SLC5A2: variants seen among roughly 807,000 people sequenced by gnomAD.
SLC5A2 encodes the protein solute carrier family 5 member 2.
SLC5A2 carries 67 observed loss-of-function variants against 69.0 expected under a neutral mutation model. The observed-to-expected ratio is 0.97, with a 90% CI of 0.80 to 1.19. SLC5A2 has a LOEUF of 1.19. Among genes scored for constraint, SLC5A2 ranks in the 50% most tolerant of loss-of-function variants. The pLI is 0.00. For missense variants in SLC5A2, 1,001 were observed against 921.5 expected, an observed-to-expected ratio of 1.09 and a Z score of -1.12; for synonymous variants, 455 against 395.8, an observed-to-expected ratio of 1.15 and a Z score of -1.78.
chr16:31,488,949 G>C lies in SLC5A2; in HGVS notation c.1350G>C (p.Gly450=), dbSNP rs376349857. 3.9e-5 allele frequency: 62 copies of C among 1,603,454 alleles called. No individual in the cohort carries two copies. Among genetic ancestry groups the C allele is most frequent in the East Asian group, 2.9e-4 (13 of 44,864 alleles). Residue 450 remains glycine (G), a synonymous_variant, in exon 11 of 14, where the codon GGG becomes GGC. Transcript: ENST00000330498. The part of the protein sequence containing the change: ...WLPVVQAAQG[G]QLFDYIQAVS... ...CCGTGGTGCAGGCGGCACAGGGCGG[G>C]CAGCTCTTCGATTACATCCAGGCAG...
At chr16:31,483,333 C>A in intron 1 of SLC5A2, 71 bp downstream of exon 1, 2 of 1,586,610 alleles carry the variant, frequency 1.3e-6, no homozygotes, top group South Asian at 1.1e-5. Flanking sequence ...CTCAGGGGGA[C>A]CCTAGGTGGG....
intron 9 of SLC5A2, 40 bp from the exon 10 acceptor site, chr16:31,488,582 C>T: frequency 6.2e-7 from 1 of 1,609,312 alleles, no homozygotes; most frequent in Non-Finnish European, 8.5e-7. Context: ...CGCCCTGGAC[C>T]CCCAGTGGCC....
At position 31,488,899 on chromosome 16, in the gene SLC5A2, G is replaced by T; in HGVS notation, c.1300G>T (p.Val434Leu). The change falls in exon 11 of 14, where the codon GTG becomes TTG. Residue 434 changes from valine (V) to leucine (L), a missense_variant. Coordinates refer to ENST00000330498, the MANE Select transcript of SLC5A2 (RefSeq NM_003041.4). ...CCGCAGGCTCTGGGTGGTGTTCATC[G>T]TGGTAGTGTCGGTGGCCTGGCTTCC... Reference protein sequence around the residue: ...LVGRLWVVFIVVVSVAWLPVV... With the variant: ...LVGRLWVVFILVVSVAWLPVV... 1 of 1,605,550 alleles carries T rather than the reference G, an allele frequency of 6.2e-7. No homozygotes were observed. Among genetic ancestry groups the T allele is most frequent in the Non-Finnish European group, 8.5e-7 (1 of 1,179,862 alleles).
chr16:31,490,606 C>A lies in SLC5A2; in HGVS notation c.*71C>A. On this transcript the variant is annotated 3_prime_UTR_variant, in exon 14 of 14. Coordinates refer to ENST00000330498, the MANE Select transcript of SLC5A2 (RefSeq NM_003041.4). ...GGGGTGAGGAGCCTGCGGTGCTCCC[C>A]AGAAAAGGGGAAGGGGCAGTGGGGT... 7.4e-7 allele frequency: 1 copy of A among 1,351,686 alleles called. No individual in the cohort carries two copies. The highest frequency in any genetic ancestry group is 2.4e-5 in the East Asian group (1 of 41,324). 83.7% of individuals were successfully genotyped at this position (1,351,686 alleles called of 1,614,324 possible).
In SLC5A2 at chr16:31,490,405, A is replaced by C; in HGVS notation, c.1889A>C (p.Gln630Pro). Residue 630 changes from glutamine (Q) to proline (P), a missense_variant, in exon 14 of 14, where the codon CAG becomes CCG. Transcript: ENST00000330498. Reference protein sequence around the residue: ...GGVGSPPPLTQEEAAAAARRL... With the variant: ...GGVGSPPPLTPEEAAAAARRL... ...GTGGGCAGTCCTCCGCCCCTTACCC[A>C]GGAGGAGGCAGCGGCAGCAGCCAGG... The C allele has an allele frequency of 2.5e-6, 4 of 1,613,648 alleles. No individual in the cohort carries two copies. Among genetic ancestry groups the C allele is most frequent in the Non-Finnish European group, 3.4e-6 (4 of 1,179,880 alleles).
chr16:31,490,189 C>T lies in SLC5A2; in HGVS notation c.1751C>T (p.Pro584Leu). Reference protein sequence around the residue: ...DADEQQGSSLPVQNGCPESAM... With the variant: ...DADEQQGSSLLVQNGCPESAM... ...GATGAGCAGCAAGGCTCCTCACTCC[C>T]TGTACAGAATGGGTGCCCAGAGAGT... The change falls in exon 13 of 14, where the codon CCT becomes CTT. Residue 584 changes from proline to leucine, a missense_variant. By Grantham distance (98) the Pro-to-Leu change is moderately conservative. Coordinates refer to ENST00000330498, the MANE Select transcript of SLC5A2 (RefSeq NM_003041.4). The T allele has an allele frequency of 1.2e-6, 2 of 1,614,200 alleles. No homozygotes were observed. Among genetic ancestry groups the T allele is most frequent in the South Asian group, 1.1e-5 (1 of 91,074 alleles).
chr16:31,489,243 G>A lies in SLC5A2; in HGVS notation c.1570G>A (p.Val524Met), dbSNP rs2082535332. Residue 524 changes from valine (V) to methionine (M), a missense_variant, in exon 12 of 14, where the codon GTG becomes ATG. Physicochemically the swap from Val to Met is conservative, Grantham distance 21. Transcript: ENST00000330498. ...GGCGTGCCCAGCTTTCCTCTGCGGC[G>A]TGCACTACCTCTACTTCGCCATTGT... The part of the protein sequence containing the change: ...PSACPAFLCG[V>M]HYLYFAIVLF... 3 of 1,610,518 alleles carry A rather than the reference G, an allele frequency of 1.9e-6. No individual in the cohort carries two copies. The highest frequency in any genetic ancestry group is 1.1e-5 in the South Asian group (1 of 91,088).
intron 5 of SLC5A2, 86 bp downstream of exon 5, chr16:31,486,361 C>T (rs2082495523): frequency 1.0e-6 from 1 of 1,001,928 alleles, no homozygotes; most frequent in Non-Finnish European, 1.6e-6. Flanking sequence ...CAGAGGAAAG[C>T]AAGCTGGAGA....
At position 31,490,214 on chromosome 16, in the gene SLC5A2, T is replaced by C; in HGVS notation, c.1776T>C (p.Ser592=). ...SLPVQNGCPE[S]AMEMNEPQAP... is the part of the protein sequence containing the mutation. ...CTGTACAGAATGGGTGCCCAGAGAG[T>C]GCCATGGAGATGAATGGTAGGGCAC... is the stretch of plus-strand genomic sequence containing the variant. The change falls in exon 13 of 14, where the codon AGT becomes AGC. Residue 592 remains serine (S), a synonymous_variant. Coordinates refer to ENST00000330498, the MANE Select transcript of SLC5A2 (RefSeq NM_003041.4). 6.2e-7 allele frequency: 1 copy of C among 1,613,840 alleles called. No homozygotes were observed. The highest frequency in any genetic ancestry group is 1.1e-5 in the South Asian group (1 of 91,048).
At chr16:31,484,621 G>C in intron 1 of SLC5A2, 52 bp from the exon 2 acceptor site, 1 of 1,559,596 alleles carries the variant, frequency 6.4e-7, no homozygotes, top group African/African-American at 1.3e-5. Context: ...GGTGGCTGAT[G>C]AGGTCCAAGG....
At position 31,489,269 on chromosome 16, in the gene SLC5A2, G is replaced by A. The variant is rs1333673084; in HGVS notation, c.1596G>A (p.Val532=). ...TGCACTACCTCTACTTCGCCATTGTGCTGTTCTTCTGCTCTGGCCTCCTCA... is the reference window on the plus strand; with the variant it reads ...TGCACTACCTCTACTTCGCCATTGTACTGTTCTTCTGCTCTGGCCTCCTCA... The part of the protein sequence containing the change: ...CGVHYLYFAI[V]LFFCSGLLTL... Residue 532 remains valine (V), a synonymous_variant, in exon 12 of 14, where the codon GTG becomes GTA. Coordinates refer to ENST00000330498, the MANE Select transcript of SLC5A2 (RefSeq NM_003041.4). 6.2e-7 allele frequency: 1 copy of A among 1,610,860 alleles called. No homozygotes were observed. The highest frequency in any genetic ancestry group is 8.5e-7 in the Non-Finnish European group (1 of 1,180,042).
rs993059155 is a variant in SLC5A2, at chr16:31,490,708, TGAGGGC to T, written c.*174_*179del. ...GCATCTGATTGGCAGTCACTTCCCA[TGAGGGC>T]CTGGCCCACCCGCTGCAGTTGCCCT... On this transcript the variant is annotated 3_prime_UTR_variant, in exon 14 of 14. Transcript: ENST00000330498. 853 of 1,202,462 alleles carry T rather than the reference TGAGGGC, an allele frequency of 7.1e-4. 7 individuals carry two copies. The African/African-American group carries it at 0.012, about 17-fold the overall frequency. 74.5% of individuals were successfully genotyped at this position (1,202,462 alleles called of 1,614,324 possible). A position where few individuals can be genotyped will look rare whatever the true frequency, so the allele number is the denominator to read the frequency against.
Position 31,488,406 on chromosome 16 carries a change from G to C in SLC5A2, c.1045G>C (p.Glu349Gln). Residue 349 changes from glutamate to glutamine, a missense_variant, in exon 9 of 14, where the codon GAG becomes CAG. Transcript: ENST00000330498. ...AGACGAGGTGGCGTGCGTGGTGCCT[G>C]AGGTGTGCAGGCGCGTGTGCGGCAC... The part of the protein sequence containing the change: ...YPDEVACVVP[E>Q]VCRRVCGTEV... 1 of 1,611,804 alleles carries C rather than the reference G, an allele frequency of 6.2e-7. No homozygotes were observed. Among genetic ancestry groups the C allele is most frequent in the Non-Finnish European group, 8.5e-7 (1 of 1,179,788 alleles).
In SLC5A2 at chr16:31,484,125, T is replaced by C. The variant is rs186513357; in HGVS notation, c.127-548T>C. Among the ~76,000 whole-genome samples the C allele has an allele frequency of 6.2e-3, 939 of 151,278 alleles. 11 individuals are homozygous for C. Among genetic ancestry groups the C allele is most frequent in the African/African-American group, 0.022 (890 of 41,176 alleles). ...ACAGATGTGGGGCTGGGTGCGGTGG[T>C]TCATGCCTCAGTACTTTGGGAGGCT... On this transcript the variant is annotated intron_variant, in intron 1 of 13. Transcript: ENST00000330498.
At position 31,483,248 on chromosome 16, in the gene SLC5A2, G is replaced by C; in HGVS notation, c.112G>C (p.Gly38Arg). ...VIAAYFLLVI[G>R]VGLWSMCRTN... ...TGCTGCATATTTCCTGCTGGTCATTGGCGTTGGCTTGTGGGTGAGAAGTTG... is the reference window on the plus strand; with the variant it reads ...TGCTGCATATTTCCTGCTGGTCATTCGCGTTGGCTTGTGGGTGAGAAGTTG... Residue 38 changes from glycine (G) to arginine (R), a missense_variant, in exon 1 of 14, where the codon GGC becomes CGC. Physicochemically the swap from Gly to Arg is moderately radical, Grantham distance 125 (BLOSUM62 -2). Transcript: ENST00000330498. The C allele has an allele frequency of 6.2e-7, 1 of 1,614,038 alleles. No homozygotes were observed. Among genetic ancestry groups the C allele is most frequent in the Non-Finnish European group, 8.5e-7 (1 of 1,180,032 alleles).
In SLC5A2 at chr16:31,487,709, C is replaced by A. The variant is rs774481531; in HGVS notation, c.835C>A (p.Leu279Met). ...PVTGDLPWPA[L>M]LLGLTIVSGW... ...GACCGGGGATCTGCCGTGGCCCGCG[C>A]TGCTCCTCGGACTCACAATCGTCTC... Residue 279 changes from leucine (L) to methionine (M), a missense_variant, in exon 7 of 14, where the codon CTG becomes ATG. Leu to Met is a conservative substitution (Grantham distance 15). Transcript: ENST00000330498. 12 of 1,612,980 alleles carry A rather than the reference C, an allele frequency of 7.4e-6. No homozygotes were observed. In the East Asian group the frequency reaches 2.0e-4, roughly 27 times the overall value.
chr16:31,485,793 T>A lies in SLC5A2; in HGVS notation c.368T>A (p.Ile123Asn). The change falls in exon 4 of 14, where the codon ATC (isoleucine) becomes AAC (asparagine). Residue 123 changes from isoleucine (I) to asparagine (N), a missense_variant. Ile to Asn is a moderately radical substitution (Grantham distance 149). Coordinates refer to ENST00000330498, the MANE Select transcript of SLC5A2 (RefSeq NM_003041.4). ...FAPVYLTAGV[I>N]TMPQYLRKRF... ...CCCGTGTACCTGACAGCGGGGGTCA[T>A]CACGATGCCACAGTACCTGCGCAAG... The A allele has an allele frequency of 1.2e-6, 2 of 1,613,670 alleles. No homozygotes were observed. The highest frequency in any genetic ancestry group is 1.7e-6 in the Non-Finnish European group (2 of 1,179,994).
At chr16:31,486,021 C>T (rs1596618084) in intron 4 of SLC5A2, 128 bp downstream of exon 4, 1 of 1,244,624 alleles carries the variant, frequency 8.0e-7, no homozygotes, top group Non-Finnish European at 1.2e-6. Context: ...GAGGCAGAGC[C>T]TGCAATGAAT....
rs773555047 is a variant in SLC5A2, at chr16:31,484,919, GGAATGT to G, written c.302_303+4del. The G allele has an allele frequency of 3.1e-6, 5 of 1,613,740 alleles. No homozygotes were observed. Among genetic ancestry groups the G allele is most frequent in the Non-Finnish European group, 8.5e-7 (1 of 1,179,832 alleles). ...GGCTTGGCTGTTGCTGGATTCGAGT[GGAATGT>G]GAGGCCCTCTTTTTTCCAATAACCC... On this transcript the variant is annotated splice_donor_variant and coding_sequence_variant, in exon 3 of 14. Coordinates refer to ENST00000330498, the MANE Select transcript of SLC5A2 (RefSeq NM_003041.4). LOFTEE classifies it high-confidence loss of function.
Sources: gnomAD v4.1 joint callset for allele counts (sites outside exome capture counted in the v4.1 genomes callset) on GRCh38, gnomAD v4.1.1 for gene constraint, MANE v1.5 for transcripts, NCBI Gene and HGNC (gene_info 2026-07-23, HGNC 2026-07-21) for gene names.